Variants in E2F7 observed in about 807,000 individuals in gnomAD.
E2F7 encodes the protein E2F transcription factor 7.
A neutral mutation model predicts 81.1 loss-of-function variants in E2F7; 35 were observed. That is an observed-to-expected ratio of 0.43 (90% confidence interval 0.33 to 0.57). The LOEUF (loss-of-function observed/expected upper bound fraction) is 0.57. E2F7 is among the 20% of genes least tolerant of loss of function. The probability of loss-of-function intolerance (pLI) is 0.04; values close to 1 mark genes in which losing one functional copy is unlikely to be tolerated. For missense variants in E2F7, 961 were observed against 1,093.7 expected, an observed-to-expected ratio of 0.88 and a Z score of 1.71; for synonymous variants, 416 against 416.2, an observed-to-expected ratio of 1.00 and a Z score of 0.01.
At chr12:77,037,525 G>A (rs1007727433) in intron 7 of E2F7, among the ~76,000 whole-genome samples, 20 of 152,154 alleles carry the variant, frequency 1.3e-4, no homozygotes, top group Non-Finnish European at 5.9e-5. Context: ...GGCCAGGCAG[G>A]GAGAAATGAA....
At chr12:77,046,008 C>T in intron 5 of E2F7, 30 bp downstream of exon 5, 1 of 1,597,926 alleles carries the variant, frequency 6.3e-7, no homozygotes, top group Admixed American at 1.7e-5. Context: ...TCTTTCTCTG[C>T]CATTACTCAT....
Position 77,043,774 on chromosome 12 carries a change from T to C in E2F7, c.989-575A>G, listed in dbSNP as rs149641118. On this transcript the variant is annotated intron_variant, in intron 6 of 12. Transcript: ENST00000322886. ...AGGGGTTGGATGGGCCTTGCCTGAA[T>C]CTTAAGTGGCTTTGGGAGAAACACT... 5.9e-5 allele frequency among the ~76,000 whole-genome samples: 9 copies of C among 152,260 alleles called. No individual in the cohort carries two copies. In the East Asian group the frequency reaches 1.7e-3, roughly 29 times the overall value.
chr12:77,028,763 G>A (rs897094936), intron 10 of E2F7, among the ~76,000 whole-genome samples: 2 of 152,142 alleles, frequency 1.3e-5, no homozygotes, highest in Non-Finnish European at 2.9e-5. Flanking sequence ...ATAAGCCACC[G>A]CGCCCGGCTG....
At chr12:77,060,329 G>T (rs1183170165) in intron 2 of E2F7, among the ~76,000 whole-genome samples, 1 of 152,086 alleles carries the variant, frequency 6.6e-6, no homozygotes, top group Non-Finnish European at 1.5e-5. Flanking sequence ...AGCTCAGAAG[G>T]TAAAAGCACT....
chr12:77,046,300 A>G lies in E2F7; in HGVS notation c.567T>C (p.Ile189=). Residue 189 remains isoleucine (I), a synonymous_variant, in exon 5 of 13, where the codon ATT becomes ATC. Coordinates refer to ENST00000322886, the MANE Select transcript of E2F7 (RefSeq NM_203394.3). ...LGVERRRIYD[I]VNVLESLHLV... ...GATGCAGCGACTCCAGCACATTTAC[A>G]ATGTCATAGATGCGTCTCCTTTCCA... 1.2e-6 allele frequency: 2 copies of G among 1,614,084 alleles called. No individual in the cohort carries two copies. The highest frequency in any genetic ancestry group is 2.2e-5 in the East Asian group (1 of 44,880).
At chr12:77,035,458 ACCT>A (rs890945525) in intron 7 of E2F7, among the ~76,000 whole-genome samples, 3 of 151,692 alleles carry the variant, frequency 2.0e-5, no homozygotes, top group Non-Finnish European at 2.9e-5. Flanking sequence ...CAGTAGAAAA[ACCT>A]CCTAATTCAG....
chr12:77,030,510 G>A (rs1954798248), intron 9 of E2F7, among the ~76,000 whole-genome samples, 178 bp from the exon 10 acceptor site: 1 of 152,114 alleles, frequency 6.6e-6, no homozygotes, highest in African/African-American at 2.4e-5. Flanking sequence ...GGTATGGCCT[G>A]GATAAATGGT....
chr12:77,035,034 A>G (rs1954837346), intron 7 of E2F7, among the ~76,000 whole-genome samples: 1 of 152,206 alleles, frequency 6.6e-6, no homozygotes, highest in African/African-American at 2.4e-5. Flanking sequence ...AATGCATAAA[A>G]CTGTGGCTCT....
In E2F7 at chr12:77,043,055, G is replaced by GCCA. The variant is rs1592560699; in HGVS notation, c.1123+7_1123+9dup. The GCCA allele has an allele frequency of 6.2e-7, 1 of 1,613,896 alleles. No individual in the cohort carries two copies. Among genetic ancestry groups the GCCA allele is most frequent in the East Asian group, 2.2e-5 (1 of 44,868 alleles). On this transcript the variant is annotated intron_variant, in intron 7 of 12. Transcript: ENST00000322886. ...TAAAACAGCCTGCTAGCAAAACCAC[G>GCCA]CCACCTTACCACTTGAGCTGAAGTC...
At position 77,021,380 on chromosome 12, in the gene E2F7, G is replaced by A. The variant is rs1954708891; in HGVS notation, c.*2635C>T. 1 of 152,494 alleles carries A rather than the reference G, an allele frequency of 6.6e-6. No homozygotes were observed. Among genetic ancestry groups the A allele is most frequent in the Non-Finnish European group, 1.5e-5 (1 of 68,014 alleles). 9.4% of individuals were successfully genotyped at this position (152,494 alleles called of 1,614,324 possible). A position where few individuals can be genotyped will look rare whatever the true frequency, so the allele number is the denominator to read the frequency against. On this transcript the variant is annotated 3_prime_UTR_variant, in exon 13 of 13. Coordinates refer to ENST00000322886, the MANE Select transcript of E2F7 (RefSeq NM_203394.3). ...CAAGTAAATAGCTATAGATAATATAGCCATTAGGAAAAAGAGCAGAGCTAA... is the reference window on the plus strand; with the variant it reads ...CAAGTAAATAGCTATAGATAATATAACCATTAGGAAAAAGAGCAGAGCTAA...
chr12:77,052,006 C>T (rs915902380), intron 3 of E2F7, among the ~76,000 whole-genome samples: 6 of 152,094 alleles, frequency 3.9e-5, no homozygotes, highest in Non-Finnish European at 8.8e-5. Flanking sequence ...CTGCTGCATT[C>T]CTGTACAACA....
chr12:77,056,046 A>T lies in E2F7; in HGVS notation c.178T>A (p.Phe60Ile), dbSNP rs756444172. The change falls in exon 3 of 13, where the codon TTT becomes ATT. Residue 60 changes from phenylalanine to isoleucine, a missense_variant. By Grantham distance (21) the Phe-to-Ile change is conservative (BLOSUM62 0). Around this residue, in one of 3 missense-constraint regions of E2F7, gnomAD observed 73 missense variants for 68.4 expected, o/e 1.07. Coordinates refer to ENST00000322886, the MANE Select transcript of E2F7 (RefSeq NM_203394.3). ...GTAATGGGATTTCTTTCTGGAGTAA[A>T]TTTTTTTTGCTTCGATAAATCAATT... is the stretch of plus-strand genomic sequence containing the variant. ...EPIDLSKQKK[F>I]TPERNPITPV... 1.2e-6 allele frequency: 2 copies of T among 1,613,290 alleles called. No individual in the cohort carries two copies. Among genetic ancestry groups the T allele is most frequent in the South Asian group, 1.1e-5 (1 of 90,982 alleles).
chr12:77,029,646 C>T (rs1052652200), intron 10 of E2F7, among the ~76,000 whole-genome samples, 185 bp downstream of exon 10: 5 of 152,224 alleles, frequency 3.3e-5, no homozygotes, highest in South Asian at 2.1e-4. Flanking sequence ...ATAAAAATCA[C>T]CTTTCTTATG....
chr12:77,035,871 T>C (rs1400286642), intron 7 of E2F7, among the ~76,000 whole-genome samples: 1 of 149,726 alleles, frequency 6.7e-6, no homozygotes, highest in Non-Finnish European at 1.5e-5. Flanking sequence ...ACATCAAAAA[T>C]ATAAAGGCTC....
intron 4 of E2F7, among the ~76,000 whole-genome samples, chr12:77,046,921 G>A (rs1014656323): frequency 1.3e-5 from 2 of 152,220 alleles, no homozygotes; most frequent in African/African-American, 4.8e-5. Flanking sequence ...CAGGTGTCAA[G>A]GGCTTGAATA....
chr12:77,036,060 A>G (rs1954847605), intron 7 of E2F7, among the ~76,000 whole-genome samples: 1 of 137,404 alleles, frequency 7.3e-6, no homozygotes, highest in Non-Finnish European at 1.6e-5. Context: ...TAGGTAACCA[A>G]AAGCAAGCAT....
At chr12:77,049,883 T>C (rs919472313) in intron 4 of E2F7, among the ~76,000 whole-genome samples, 2 of 152,238 alleles carry the variant, frequency 1.3e-5, no homozygotes, top group African/African-American at 4.8e-5. Context: ...CCTGACACCT[T>C]CATGTCATTG....
chr12:77,063,999 G>C (rs1955098229), intron 2 of E2F7, among the ~76,000 whole-genome samples: 1 of 152,208 alleles, frequency 6.6e-6, no homozygotes, highest in South Asian at 2.1e-4. Context: ...CAAAATGTAA[G>C]GGAATGGCTC....
intron 7 of E2F7, among the ~76,000 whole-genome samples, chr12:77,035,975 G>A (rs1954845975): frequency 3.1e-4 from 3 of 9,598 alleles, no homozygotes; most frequent in Non-Finnish European, 8.5e-4. Context: ...TAGAAATAAA[G>A]AATATGAATA....
Sources: allele counts gnomAD v4.1 joint callset (sites outside exome capture counted in the v4.1 genomes callset), GRCh38; gene constraint gnomAD v4.1.1; regional missense constraint gnomAD v4.1.1; transcripts MANE v1.5; gene names NCBI Gene and HGNC (gene_info 2026-07-23, HGNC 2026-07-21).